RANBP3: variants seen among roughly 807,000 people sequenced by gnomAD.
RANBP3 encodes ran-binding protein 3.
A neutral mutation model predicts 77.3 loss-of-function variants in RANBP3; 14 were observed. That is an observed-to-expected ratio of 0.18 (90% CI 0.12 to 0.28). The LOEUF is 0.28. Among genes scored for constraint, RANBP3 ranks in the 10% least tolerant of loss-of-function variants. The probability of loss-of-function intolerance (pLI) is 1.00; values close to 1 mark genes in which losing one functional copy is unlikely to be tolerated. For missense variants in RANBP3, 586 were observed against 752.3 expected (o/e 0.78, Z 2.59); for synonymous variants, 315 against 312.4 (o/e 1.01, Z -0.09).
At chr19:5,933,059 A>AACTGGG (rs2058015945) in intron 6 of RANBP3, 9 of 290,588 alleles carry the variant, frequency 3.1e-5, no homozygotes, top group Middle Eastern at 1.0e-3. Context: ...GCTGGAATGC[A>AACTGGG]GCCACCCTGC....
intron 1 of RANBP3, among the ~76,000 whole-genome samples, chr19:5,969,943 T>C (rs893760447): frequency 3.3e-5 from 5 of 152,256 alleles, no homozygotes; most frequent in African/African-American, 7.2e-5. Flanking sequence ...CCTTAAACTC[T>C]AGCTGGCAAT....
chr19:5,924,741 G>A lies in RANBP3; in HGVS notation c.996+86C>T. The A allele has an allele frequency of 7.4e-7, 1 of 1,343,120 alleles. No homozygotes were observed. The highest frequency in any genetic ancestry group is 2.3e-5 in the East Asian group (1 of 43,532). The allele number at this position is 1,343,120 out of a possible 1,614,324, so 83.2% of individuals were successfully genotyped here. ...TCCCCATCTCACATAGGACGACACA[G>A]CAGCCCTGCTCTCCATGTCCCCTTG... On this transcript the variant is annotated intron_variant, in intron 11 of 16. Transcript: ENST00000340578. This position sits in a 1 kb window ranked among gnomAD's most constrained non-coding sequence, Gnocchi z 4.7.
chr19:5,922,150 ACT>A (rs2057829144), intron 13 of RANBP3, among the ~76,000 whole-genome samples: 1 of 127,022 alleles, frequency 7.9e-6, no homozygotes, highest in Non-Finnish European at 1.8e-5. Flanking sequence ...AAGTTGTCTG[ACT>A]CTGTGAATAT....
chr19:5,976,221 G>A (rs762923983), intron 1 of RANBP3, among the ~76,000 whole-genome samples: 8 of 152,172 alleles, frequency 5.3e-5, no homozygotes, highest in Non-Finnish European at 8.8e-5. Flanking sequence ...AGGTGTAGTG[G>A]GGGAGATAAG....
chr19:5,931,288 T>C lies in RANBP3; in HGVS notation c.693+116A>G, dbSNP rs11671169. ...CAGAGAGCCTTACAATAGGCCCACG[T>C]GGAAACTGCTTGGAACAGGTGACAG... is the stretch of plus-strand genomic sequence containing the variant. On this transcript the variant is annotated intron_variant, in intron 8 of 16. Coordinates refer to ENST00000340578, the MANE Select transcript of RANBP3 (RefSeq NM_007322.3). 2,361 of 1,278,852 alleles carry C rather than the reference T, an allele frequency of 1.8e-3. 10 individuals carry two copies. Among genetic ancestry groups the C allele is most frequent in the Middle Eastern group, 1.8e-3 (9 of 5,006 alleles). The allele number at this position is 1,278,852 out of a possible 1,614,324, so 79.2% of individuals were successfully genotyped here. A position where few individuals can be genotyped will look rare whatever the true frequency, so the allele number is the denominator to read the frequency against.
At chr19:5,975,347 C>G (rs913000215) in intron 1 of RANBP3, among the ~76,000 whole-genome samples, 3 of 152,124 alleles carry the variant, frequency 2.0e-5, no homozygotes, top group African/African-American at 7.2e-5. Flanking sequence ...CCATTTCTCT[C>G]TTTGGCCCTT....
At position 5,917,795 on chromosome 19, in the gene RANBP3, A is replaced by C; in HGVS notation, c.1659T>G (p.Ala553=). The change falls in exon 16 of 17, where the codon GCT becomes GCG. Residue 553 remains alanine (A), a splice_region_variant and synonymous_variant. Transcript: ENST00000340578. ...DVLAPSGATA[A]GAGDEGDGQT... ...CAGGGTAGGGACCACCCGACTCACCAGCTGCGGTGGCCCCTGAAGGAGCCA... is the reference window on the plus strand; with the variant it reads ...CAGGGTAGGGACCACCCGACTCACCCGCTGCGGTGGCCCCTGAAGGAGCCA... 6.2e-7 allele frequency: 1 copy of C among 1,607,308 alleles called. No homozygotes were observed. The highest frequency in any genetic ancestry group is 1.1e-5 in the South Asian group (1 of 90,416).
Position 5,959,782 on chromosome 19 carries a change from C to A in RANBP3, c.23-1809G>T, listed in dbSNP as rs1036969762. Among the ~76,000 whole-genome samples, 1 of 152,120 alleles carries A rather than the reference C, an allele frequency of 6.6e-6. No individual in the cohort carries two copies. The highest frequency in any genetic ancestry group is 2.1e-4 in the South Asian group (1 of 4,824). On this transcript the variant is annotated intron_variant, in intron 1 of 16. Coordinates refer to ENST00000340578, the MANE Select transcript of RANBP3 (RefSeq NM_007322.3). The surrounding 1 kb of genome is among the most constrained non-coding windows in gnomAD (Gnocchi z 5.1). Reference sequence around the variant, plus strand: ...AGGTCTTCCGGTGCCACGCCTGTACCCCACAAGCCCAGCCCTGACCTCTGC... The same window carrying A: ...AGGTCTTCCGGTGCCACGCCTGTACACCACAAGCCCAGCCCTGACCTCTGC...
In RANBP3 at chr19:5,968,392, C is replaced by T. The variant is rs76024109; in HGVS notation, c.22+9669G>A. The stretch of plus-strand genomic sequence containing the variant: ...CAATGTCTTCATTTGCATATCAGGG[C>T]TGTTATTTCACCCCAGGCAGCTTCG... On this transcript the variant is annotated intron_variant, in intron 1 of 16. Transcript: ENST00000340578. Among the ~76,000 whole-genome samples, 7 of 152,288 alleles carry T rather than the reference C, an allele frequency of 4.6e-5. No homozygotes were observed. In the East Asian group the frequency reaches 1.3e-3, roughly 29 times the overall value.
At position 5,932,691 on chromosome 19, in the gene RANBP3, T is replaced by C. The variant is rs546076497; in HGVS notation, c.473-147A>G. On this transcript the variant is annotated intron_variant, in intron 6 of 16. Transcript: ENST00000340578. ...CTTTTTTAAAAACTTGAGGTCTTTT[T>C]TTAACAGCTGGCCAGGAGATCTGGC... 4.9e-6 allele frequency: 3 copies of C among 609,652 alleles called. No homozygotes were observed. In the African/African-American group the frequency reaches 5.6e-5, roughly 11 times the overall value. 37.8% of individuals were successfully genotyped at this position (609,652 alleles called of 1,614,324 possible). A position where few individuals can be genotyped will look rare whatever the true frequency, so the allele number is the denominator to read the frequency against.
chr19:5,942,296 G>C (rs81570), intron 3 of RANBP3, among the ~76,000 whole-genome samples: 109,626 of 152,078 alleles, frequency 0.72, 39,990 homozygotes, highest in African/African-American at 0.82. Flanking sequence ...CCATGCACAT[G>C]CTTGTCTCAG....
chr19:5,977,550 C>T (rs2058609510), intron 1 of RANBP3, among the ~76,000 whole-genome samples: 1 of 152,072 alleles, frequency 6.6e-6, no homozygotes, highest in African/African-American at 2.4e-5. Flanking sequence ...GTGAAAACGG[C>T]CTGGGCTTCC....
At chr19:5,975,865 A>C (rs2058584730) in intron 1 of RANBP3, among the ~76,000 whole-genome samples, 1 of 151,724 alleles carries the variant, frequency 6.6e-6, no homozygotes. Flanking sequence ...AAAAGCGGGG[A>C]GTGTATGCAA....
intron 3 of RANBP3, among the ~76,000 whole-genome samples, chr19:5,945,256 G>A (rs1169521435): frequency 6.6e-6 from 1 of 152,206 alleles, no homozygotes; most frequent in Non-Finnish European, 1.5e-5. Flanking sequence ...TGGTCCCCGA[G>A]CTCCCTCGTG....
chr19:5,925,834 C>T (rs1394043085), intron 9 of RANBP3, 97 bp from the exon 10 acceptor site: 2 of 986,442 alleles, frequency 2.0e-6, no homozygotes, highest in African/African-American at 3.2e-5. Flanking sequence ...CATGGAGCTG[C>T]TCGGAGCCAT....
In RANBP3 at chr19:5,917,348, C is replaced by A; in HGVS notation, c.*262G>T. ...AGAAGCCGTGACAAGTCTTAATGTG[C>A]CATTTCAATTCAAAGGAGGGGAGGG... On this transcript the variant is annotated 3_prime_UTR_variant, in exon 17 of 17. Transcript: ENST00000340578. 1 of 527,308 alleles carries A rather than the reference C, an allele frequency of 1.9e-6. No homozygotes were observed. The allele number at this position is 527,308 out of a possible 1,614,324, so 32.7% of individuals were successfully genotyped here.
Position 5,959,944 on chromosome 19 carries a change from A to G in RANBP3, c.23-1971T>C, listed in dbSNP as rs550652241. 6.6e-6 allele frequency among the ~76,000 whole-genome samples: 1 copy of G among 152,028 alleles called. No homozygotes were observed. The highest frequency in any genetic ancestry group is 1.5e-5 in the Non-Finnish European group (1 of 67,986). On this transcript the variant is annotated intron_variant, in intron 1 of 16. Coordinates refer to ENST00000340578, the MANE Select transcript of RANBP3 (RefSeq NM_007322.3). This position sits in a 1 kb window ranked among gnomAD's most constrained non-coding sequence, Gnocchi z 5.1. The stretch of plus-strand genomic sequence containing the variant: ...TCCCCCTGTCCCCCAGTTCAGATGG[A>G]GCCAAGCTCAGCCCCAGCTCCAGGC...
intron 2 of RANBP3, among the ~76,000 whole-genome samples, chr19:5,955,967 G>T (rs1169204593): frequency 6.6e-6 from 1 of 152,054 alleles, no homozygotes; most frequent in Non-Finnish European, 1.5e-5. Context: ...AAATTAGCCA[G>T]GTGTGGTGGT....
intron 10 of RANBP3, 106 bp from the exon 11 acceptor site, chr19:5,925,011 G>GA: frequency 1.4e-5 from 14 of 1,023,634 alleles, no homozygotes; most frequent in Non-Finnish European, 1.8e-5. Context: ...CACAGTGGAG[G>GA]GGCCTCCGCC....
Sources: gnomAD v4.1 joint callset for allele counts (sites outside exome capture counted in the v4.1 genomes callset) on GRCh38, gnomAD v4.1.1 for gene constraint, Gnocchi (gnomAD v3.1) non-coding constraint, MANE v1.5 for transcripts, NCBI Gene and HGNC (gene_info 2026-07-23, HGNC 2026-07-21) for gene names.